The following UROS variants were observed in gnomAD, a reference collection of about 807,000 sequenced individuals.
UROS encodes the protein uroporphyrinogen-III synthase.
In UROS, 18 loss-of-function variants were observed where a neutral mutation model predicts 33.0. The observed-to-expected ratio is 0.55, with a 90% CI of 0.38 to 0.81. The LOEUF is 0.81. Among genes scored for constraint, UROS ranks in the 30% least tolerant of loss-of-function variants. The pLI, the probability that UROS is intolerant of heterozygous loss-of-function variation, is 0.00. For missense variants in UROS, 293 were observed against 314.9 expected (o/e 0.93, Z 0.53); for synonymous variants, 114 against 121.1 (o/e 0.94, Z 0.38).
intron 4 of UROS, among the ~76,000 whole-genome samples, chr10:125,813,545 C>T (rs1292809876): frequency 1.3e-5 from 2 of 152,156 alleles, no homozygotes; most frequent in Admixed American, 6.5e-5. Flanking sequence ...ATGGCACAAT[C>T]GCGGCTCATA....
chr10:125,787,093 C>T (rs73379263), downstream of UROS, among the ~76,000 whole-genome samples: 2,315 of 152,338 alleles, frequency 0.015, 50 homozygotes, highest in African/African-American at 0.049. Context: ...AACAAGGCTT[C>T]GCCAGAACTG....
At chr10:125,805,283 C>T (rs1177241834) in intron 6 of UROS, among the ~76,000 whole-genome samples, 3 of 152,222 alleles carry the variant, frequency 2.0e-5, no homozygotes, top group Non-Finnish European at 4.4e-5. Flanking sequence ...CGTCTTCATC[C>T]CTGCAGGAGC....
intron 1 of UROS, among the ~76,000 whole-genome samples, chr10:125,822,512 G>A (rs1412152892): frequency 1.3e-5 from 2 of 152,060 alleles, no homozygotes; most frequent in South Asian, 2.1e-4. Flanking sequence ...TAGTAGAGAT[G>A]GGATTTCGCC....
At chr10:125,807,131 T>C in intron 6 of UROS, 1 of 440,124 alleles carries the variant, frequency 2.3e-6, no homozygotes, top group East Asian at 4.7e-5. Context: ...TTGGAATCCC[T>C]CAAGTGATCT....
At chr10:125,795,991 T>A in intron 8 of UROS, 112 bp downstream of exon 8, 2 of 930,804 alleles carry the variant, frequency 2.1e-6, no homozygotes, top group Admixed American at 3.4e-5. Context: ...AGGTGACAGC[T>A]GGGGACAGTG....
At chr10:125,800,582 G>A (rs1290983419) in intron 6 of UROS, among the ~76,000 whole-genome samples, 1 of 119,888 alleles carries the variant, frequency 8.3e-6, no homozygotes, top group Admixed American at 8.6e-5. Flanking sequence ...TTTTTTTTGT[G>A]ACGGAGTCTC....
At chr10:125,796,754 G>T in intron 7 of UROS, 1 of 979,114 alleles carries the variant, frequency 1.0e-6, no homozygotes, top group African/African-American at 1.7e-5. Context: ...GGTTTTCAGG[G>T]CTGGTGATGA....
At chr10:125,815,486 T>C (rs1485815083) in intron 3 of UROS, among the ~76,000 whole-genome samples, 2 of 152,150 alleles carry the variant, frequency 1.3e-5, no homozygotes, top group East Asian at 3.9e-4. Flanking sequence ...GACCCGAATC[T>C]GTAATAAAAA....
intron 6 of UROS, among the ~76,000 whole-genome samples, chr10:125,804,478 T>C (rs1237615327): frequency 1.3e-5 from 2 of 152,212 alleles, no homozygotes; most frequent in African/African-American, 4.8e-5. Flanking sequence ...CTGTGAGCCA[T>C]TCTAGCAAAT....
At chr10:125,817,843 T>C (rs970601792) in intron 1 of UROS, among the ~76,000 whole-genome samples, 1 of 152,178 alleles carries the variant, frequency 6.6e-6, no homozygotes, top group African/African-American at 2.4e-5. Flanking sequence ...ATGCCTCACA[T>C]ACACTTTGAA....
At chr10:125,816,569 C>T (rs1853344636) in intron 1 of UROS, 44 bp from the exon 2 acceptor site, 1 of 1,598,864 alleles carries the variant, frequency 6.3e-7, no homozygotes, top group Non-Finnish European at 8.6e-7. Context: ...ATCTCAAAGA[C>T]TCTTCCTAAG....
chr10:125,796,842 A>C, intron 7 of UROS: 1 of 985,442 alleles, frequency 1.0e-6, no homozygotes, highest in Non-Finnish European at 1.2e-6. Flanking sequence ...GTAGGTGAAA[A>C]GTAGTGAAAA....
intron 7 of UROS, chr10:125,796,884 T>C: frequency 1.0e-6 from 1 of 984,750 alleles, no homozygotes; most frequent in Non-Finnish European, 1.2e-6. Flanking sequence ...TGGGAAACTC[T>C]CTCAGAAGAA....
In UROS at chr10:125,797,099, C is replaced by G. The variant is rs182469468; in HGVS notation, c.476-911G>C. Among the ~76,000 whole-genome samples, 291 of 152,294 alleles carry G rather than the reference C, an allele frequency of 1.9e-3. 2 individuals carry two copies. The highest frequency in any genetic ancestry group is 6.6e-3 in the African/African-American group (274 of 41,554). ...GATCTTATTACCTAATGTCCTCTGC[C>G]TTTATTCCTGGTAGCTTTAGAAGAC... On this transcript the variant is annotated intron_variant, in intron 7 of 9. Coordinates refer to ENST00000368797, the MANE Select transcript of UROS (RefSeq NM_000375.3).
intron 5 of UROS, among the ~76,000 whole-genome samples, chr10:125,809,591 C>G (rs1159713780): frequency 6.6e-6 from 1 of 151,956 alleles, no homozygotes; most frequent in African/African-American, 2.4e-5. Flanking sequence ...AACATGTTTT[C>G]ATTACAACAT....
intron 9 of UROS, among the ~76,000 whole-genome samples, chr10:125,790,322 C>T (rs1005652279): frequency 7.9e-5 from 12 of 152,020 alleles, no homozygotes; most frequent in Non-Finnish European, 1.8e-4. Context: ...CTACACAACT[C>T]GTAGAAGGAA....
Position 125,823,247 on chromosome 10 carries a change from G to C in UROS, c.-245C>G, listed in dbSNP as rs1412298559. On this transcript the variant is annotated 5_prime_UTR_variant, in exon 1 of 10. Transcript: ENST00000368797. ...CGTGGGTGGCTGCGCGCAGCTAGGC[G>C]CTCGCGCATGCGCACCGCCATCCAG... The C allele has an allele frequency of 1.1e-5, 3 of 270,100 alleles. No individual in the cohort carries two copies. The highest frequency in any genetic ancestry group is 1.4e-5 in the Non-Finnish European group (2 of 142,354). 16.7% of individuals were successfully genotyped at this position (270,100 alleles called of 1,614,324 possible).
At chr10:125,812,989 T>A (rs1342549047) in intron 4 of UROS, among the ~76,000 whole-genome samples, 1 of 152,242 alleles carries the variant, frequency 6.6e-6, no homozygotes, top group African/African-American at 2.4e-5. Context: ...GAACATAACT[T>A]TCCCTTAAAT....
At chr10:125,801,373 T>A (rs1851828362) in intron 6 of UROS, among the ~76,000 whole-genome samples, 1 of 152,242 alleles carries the variant, frequency 6.6e-6, no homozygotes, top group Non-Finnish European at 1.5e-5. Flanking sequence ...AGAAGGAGAA[T>A]CTATCAGAAC....
Sources: gnomAD v4.1 joint callset for allele counts (sites outside exome capture counted in the v4.1 genomes callset) on GRCh38, gnomAD v4.1.1 for gene constraint, MANE v1.5 for transcripts, NCBI Gene and HGNC (gene_info 2026-07-23, HGNC 2026-07-21) for gene names.